ZNF469: variants seen among roughly 807,000 people sequenced by gnomAD.
ZNF469 encodes the protein zinc finger protein 469.
In ZNF469, 1 loss-of-function variant was observed where a neutral mutation model predicts 1.0. That is an observed-to-expected ratio of 1.00 (90% CI 0.35 to 4.73). ZNF469 has a LOEUF of 4.73. ZNF469 is among the 30% of genes most tolerant of loss of function. ZNF469 has a pLI of 0.16. For synonymous variants in ZNF469, 2,703 were observed against 2,363.4 expected, an observed-to-expected ratio of 1.14 and a Z score of -4.17; for missense variants, 6,100 against 5,356.3, an observed-to-expected ratio of 1.14 and a Z score of -4.33.
chr16:88,204,830 T>G, the ZNF469 span, among the ~76,000 whole-genome samples: 1 of 152,194 alleles, frequency 6.6e-6, no homozygotes, highest in Non-Finnish European at 1.5e-5. Flanking sequence ...CTGTCACTCT[T>G]GAGACCTGGA....
At chr16:88,267,657 T>C in the ZNF469 span, among the ~76,000 whole-genome samples, 3 of 150,744 alleles carry the variant, frequency 2.0e-5, no homozygotes, top group East Asian at 5.9e-4. Flanking sequence ...AGGTGTGGAG[T>C]GGGTCCCTGG....
intron 1 of ZNF469, among the ~76,000 whole-genome samples, chr16:88,393,247 G>A (rs71394086): frequency 0.056 from 8,557 of 152,356 alleles, 343 homozygotes; most frequent in Non-Finnish European, 0.077. Flanking sequence ...CTCCGTGCCC[G>A]GCCAAGCGGT....
chr16:88,252,844 C>T, the ZNF469 span, among the ~76,000 whole-genome samples: 1 of 152,136 alleles, frequency 6.6e-6, no homozygotes, highest in Non-Finnish European at 1.5e-5. Flanking sequence ...AAATTTCTCT[C>T]ATCTCTTTTC....
chr16:88,136,571 T>C, the ZNF469 span, among the ~76,000 whole-genome samples: 7 of 152,254 alleles, frequency 4.6e-5, no homozygotes, highest in Non-Finnish European at 1.0e-4. Context: ...CCTTCACAAA[T>C]AAACCTAGCT....
the ZNF469 span, among the ~76,000 whole-genome samples, chr16:88,336,792 C>T: frequency 1.3e-5 from 2 of 152,218 alleles, no homozygotes; most frequent in African/African-American, 4.8e-5. Flanking sequence ...GTTATGCGAC[C>T]ATCACCACTA....
the ZNF469 span, among the ~76,000 whole-genome samples, chr16:88,184,384 C>A: frequency 6.6e-6 from 1 of 152,084 alleles, no homozygotes; most frequent in East Asian, 1.9e-4. Context: ...CGTATGATTT[C>A]TGCCACCTCC....
chr16:88,328,345 C>A, the ZNF469 span, among the ~76,000 whole-genome samples: 1 of 152,254 alleles, frequency 6.6e-6, no homozygotes, highest in African/African-American at 2.4e-5. Flanking sequence ...TGACGGCTCC[C>A]AGCCTGCACT....
the ZNF469 span, among the ~76,000 whole-genome samples, chr16:88,169,399 C>T: frequency 0.11 from 17,458 of 152,124 alleles, 1,274 homozygotes; most frequent in African/African-American, 0.18. The surrounding 1 kb of genome is among the most constrained non-coding windows in gnomAD (Gnocchi z 6.1). Flanking sequence ...CCTTCCCCTG[C>T]GCCAGCCCCT....
the ZNF469 span, among the ~76,000 whole-genome samples, chr16:88,292,788 C>A: frequency 8.4e-6 from 1 of 118,378 alleles, no homozygotes; most frequent in African/African-American, 3.3e-5. Flanking sequence ...CTGTCTCCAC[C>A]CTGTGTTATC....
chr16:88,140,753 G>T, the ZNF469 span, among the ~76,000 whole-genome samples: 9 of 152,130 alleles, frequency 5.9e-5, no homozygotes, highest in Non-Finnish European at 1.2e-4. Context: ...CCAACATGGC[G>T]AAACCCCACC....
the ZNF469 span, among the ~76,000 whole-genome samples, chr16:88,376,509 C>T: frequency 6.6e-6 from 1 of 152,240 alleles, no homozygotes; most frequent in Non-Finnish European, 1.5e-5. Context: ...GGGGCCCTCG[C>T]TCTGCCGCCG....
the ZNF469 span, among the ~76,000 whole-genome samples, chr16:88,226,248 AGCAC>A: frequency 6.6e-6 from 1 of 152,256 alleles, no homozygotes; most frequent in Non-Finnish European, 1.5e-5. Context: ...CTTCACCCCC[AGCAC>A]GCAGGATGTG....
At position 88,437,121 on chromosome 16, in the gene ZNF469, C is replaced by A; in HGVS notation, c.9651C>A (p.Gly3217=). The A allele has an allele frequency of 1.3e-6, 2 of 1,548,258 alleles. No homozygotes were observed. Among genetic ancestry groups the A allele is most frequent in the Non-Finnish European group, 1.7e-6 (2 of 1,146,572 alleles). ...GGTCCTTGGGGGACCTGCCCGGAGGCCTGGAGGGCAGCAGCGCTGTCGCCC... is the reference window on the plus strand; with the variant it reads ...GGTCCTTGGGGGACCTGCCCGGAGGACTGGAGGGCAGCAGCGCTGTCGCCC... ...ARRSLGDLPG[G]LEGSSAVAHL... is the part of the protein sequence containing the mutation. The change falls in exon 3 of 3, where the codon GGC becomes GGA. Residue 3217 remains glycine, a synonymous_variant. Coordinates refer to ENST00000565624, the MANE Select transcript of ZNF469 (RefSeq NM_001367624.2).
chr16:88,381,640 G>A (rs2092525697), upstream of ZNF469, among the ~76,000 whole-genome samples: 1 of 152,246 alleles, frequency 6.6e-6, no homozygotes, highest in Non-Finnish European at 1.5e-5. Flanking sequence ...GGAGATCCCA[G>A]GACCTGGAGG....
At position 88,440,191 on chromosome 16, in the gene ZNF469, AT is replaced by A. The variant is rs35684712; in HGVS notation, c.*870del. 0.55 allele frequency: 82,608 copies of A among 149,762 alleles called. 23,827 individuals are homozygous for A. The highest frequency in any genetic ancestry group is 0.71 in the South Asian group (3,416 of 4,786). The allele number at this position is 149,762 out of a possible 1,614,324, so 9.3% of individuals were successfully genotyped here. ...TGTAATGTGAATACAGGCTTCCTTG[AT>A]TTTTTTTTTTAATGGGGGTATTGGG... On this transcript the variant is annotated 3_prime_UTR_variant, in exon 3 of 3. Coordinates refer to ENST00000565624, the MANE Select transcript of ZNF469 (RefSeq NM_001367624.2).
intron 1 of ZNF469, among the ~76,000 whole-genome samples, chr16:88,414,019 C>T (rs949069191): frequency 3.3e-5 from 5 of 151,698 alleles, no homozygotes; most frequent in Admixed American, 6.6e-5. Context: ...GCGGTGGAGC[C>T]GTCTGGGACC....
At chr16:88,155,949 G>A in the ZNF469 span, among the ~76,000 whole-genome samples, 1 of 152,198 alleles carries the variant, frequency 6.6e-6, no homozygotes, top group African/African-American at 2.4e-5. Context: ...CGTGCTTATA[G>A]GTGTGAGGTG....
chr16:88,158,760 C>T, the ZNF469 span, among the ~76,000 whole-genome samples: 11 of 152,310 alleles, frequency 7.2e-5, no homozygotes, highest in African/African-American at 2.6e-4. Flanking sequence ...CCCTCCCTGG[C>T]GGGAAGCCAG....
chr16:88,282,529 A>G, the ZNF469 span, among the ~76,000 whole-genome samples: 1 of 152,164 alleles, frequency 6.6e-6, no homozygotes, highest in African/African-American at 2.4e-5. Flanking sequence ...CACCTTGCAG[A>G]AGACACAGTG....
Sources: gnomAD v4.1 joint callset for allele counts (sites outside exome capture counted in the v4.1 genomes callset) on GRCh38, gnomAD v4.1.1 for gene constraint, Gnocchi (gnomAD v3.1) non-coding constraint, MANE v1.5 for transcripts, NCBI Gene and HGNC (gene_info 2026-07-23, HGNC 2026-07-21) for gene names.